The following NALCN variants were observed in gnomAD, a reference collection of about 807,000 sequenced individuals.
The protein encoded by NALCN is sodium leak channel NALCN.
Under a neutral mutation model 225.3 loss-of-function variants are expected in NALCN, and 111 were observed. That is an observed-to-expected ratio of 0.49 (90% CI 0.42 to 0.58). The LOEUF is 0.58. NALCN is among the 20% of genes least tolerant of loss of function. NALCN has a pLI of 0.00. For synonymous variants in NALCN, 764 were observed against 769.0 expected, an observed-to-expected ratio of 0.99 and a Z score of 0.11; for missense variants, 1,378 against 2,202.4, an observed-to-expected ratio of 0.63 and a Z score of 7.49.
chr13:101,057,839 A>T (rs1229221538), intron 43 of NALCN, 100 bp downstream of exon 43: 10 of 894,618 alleles, frequency 1.1e-5, no homozygotes, highest in Non-Finnish European at 1.9e-5. Context: ...ACAACTGTAG[A>T]TGCAGACTTG....
At chr13:101,256,179 C>A (rs1419066355) in intron 11 of NALCN, among the ~76,000 whole-genome samples, 2 of 151,840 alleles carry the variant, frequency 1.3e-5, no homozygotes, top group Non-Finnish European at 2.9e-5. Context: ...CTTAGAATTA[C>A]CCTGGAATTG....
At chr13:101,059,356 G>A (rs1334468823) in intron 42 of NALCN, 1 of 152,952 alleles carries the variant, frequency 6.5e-6, no homozygotes, top group African/African-American at 2.4e-5. Flanking sequence ...CAATGAGTCT[G>A]ATTATTTAAG....
In NALCN at chr13:101,220,920, A is replaced by T. The variant is rs1472348358; in HGVS notation, c.1626+8473T>A. On this transcript the variant is annotated intron_variant, in intron 13 of 43. Coordinates refer to ENST00000251127, the MANE Select transcript of NALCN (RefSeq NM_052867.4). ...GTATATTATTTAATACACAAAATGC[A>T]GAAGAAAAAAAAACACATTTCGGCT... Among the ~76,000 whole-genome samples, 3 of 152,132 alleles carry T rather than the reference A, an allele frequency of 2.0e-5. No individual in the cohort carries two copies. In the East Asian group the frequency reaches 5.8e-4, roughly 29 times the overall value.
intron 2 of NALCN, among the ~76,000 whole-genome samples, chr13:101,397,700 A>G (rs1476696582): frequency 6.6e-6 from 1 of 151,782 alleles, no homozygotes; most frequent in African/African-American, 2.4e-5. Flanking sequence ...TGTATATTAT[A>G]TAAATATACA....
intron 7 of NALCN, among the ~76,000 whole-genome samples, chr13:101,322,000 C>T (rs1319880671): frequency 6.6e-6 from 1 of 152,062 alleles, no homozygotes; most frequent in Non-Finnish European, 1.5e-5. Flanking sequence ...CTCTTTATTA[C>T]TAAAGTTTTA....
chr13:101,279,822 AT>A (rs71203412), intron 10 of NALCN, among the ~76,000 whole-genome samples: 35,318 of 137,076 alleles, frequency 0.26, 5,035 homozygotes, highest in South Asian at 0.32. Context: ...GTCTCAAAAA[AT>A]AAATAAATAA....
At chr13:101,241,024 A>G (rs1566476067) in intron 11 of NALCN, among the ~76,000 whole-genome samples, 1 of 152,174 alleles carries the variant, frequency 6.6e-6, no homozygotes, top group Non-Finnish European at 1.5e-5. Context: ...CATTCTGTAC[A>G]GTTTTTATCT....
chr13:101,202,287 T>C (rs1244987247), intron 13 of NALCN, among the ~76,000 whole-genome samples: 1 of 152,180 alleles, frequency 6.6e-6, no homozygotes, highest in Non-Finnish European at 1.5e-5. Context: ...ACTGACGGGA[T>C]GAAGATCTTG....
At chr13:101,376,342 T>C (rs1198657860) in intron 6 of NALCN, among the ~76,000 whole-genome samples, 1 of 151,914 alleles carries the variant, frequency 6.6e-6, no homozygotes, top group Non-Finnish European at 1.5e-5. Flanking sequence ...TGAATACTTG[T>C]CTTTAAAAAT....
chr13:101,221,105 C>G (rs533026043), intron 13 of NALCN, among the ~76,000 whole-genome samples: 2 of 151,982 alleles, frequency 1.3e-5, no homozygotes, highest in African/African-American at 4.8e-5. Context: ...TCCTTATTCA[C>G]AACTCCAAAA....
chr13:101,077,293 C>T (rs1393066059), intron 34 of NALCN, among the ~76,000 whole-genome samples: 1 of 152,118 alleles, frequency 6.6e-6, no homozygotes, highest in Non-Finnish European at 1.5e-5. Context: ...GAGTGGGGGG[C>T]TACTATAAGG....
chr13:101,202,390 C>A (rs1483158622), intron 13 of NALCN, among the ~76,000 whole-genome samples: 1 of 152,184 alleles, frequency 6.6e-6, no homozygotes, highest in Non-Finnish European at 1.5e-5. Flanking sequence ...CCACAACTTA[C>A]TATGGCTAAA....
intron 15 of NALCN, among the ~76,000 whole-genome samples, chr13:101,167,584 C>T (rs926166441): frequency 6.6e-6 from 1 of 152,122 alleles, no homozygotes; most frequent in African/African-American, 2.4e-5. Context: ...CGCCTGTAAT[C>T]CCAGCACTTT....
intron 15 of NALCN, among the ~76,000 whole-genome samples, chr13:101,155,292 A>G (rs1187314711): frequency 6.6e-6 from 1 of 152,180 alleles, no homozygotes; most frequent in Non-Finnish European, 1.5e-5. Flanking sequence ...TTTTGCACGA[A>G]TGACTTTCGT....
intron 7 of NALCN, among the ~76,000 whole-genome samples, chr13:101,308,325 T>C (rs866360239): frequency 3.3e-5 from 5 of 152,310 alleles, no homozygotes; most frequent in Non-Finnish European, 5.9e-5. Context: ...TTCTTCCTGA[T>C]GTATGCAACT....
chr13:101,351,635 T>G (rs2045911296), intron 6 of NALCN, among the ~76,000 whole-genome samples: 1 of 152,112 alleles, frequency 6.6e-6, no homozygotes, highest in African/African-American at 2.4e-5. Context: ...CCTTGGGAGA[T>G]TCACTTGAAA....
intron 27 of NALCN, among the ~76,000 whole-genome samples, chr13:101,098,783 G>A (rs2034651993): frequency 6.6e-6 from 1 of 151,636 alleles, no homozygotes; most frequent in African/African-American, 2.4e-5. Context: ...TTTTGGCCTC[G>A]GCCTCGGCCT....
At chr13:101,287,443 A>G (rs1406163299) in intron 9 of NALCN, among the ~76,000 whole-genome samples, 1 of 152,202 alleles carries the variant, frequency 6.6e-6, no homozygotes, top group Non-Finnish European at 1.5e-5. Context: ...TCCCAGTTTT[A>G]CCACTAGCCA....
chr13:101,248,835 G>A (rs573405491), intron 11 of NALCN, among the ~76,000 whole-genome samples: 11 of 152,242 alleles, frequency 7.2e-5, no homozygotes, highest in African/African-American at 2.4e-4. Context: ...CCTGATTTCT[G>A]TGAGTCATTC....
Sources: gnomAD v4.1 joint callset for allele counts (sites outside exome capture counted in the v4.1 genomes callset) on GRCh38, gnomAD v4.1.1 for gene constraint, MANE v1.5 for transcripts, NCBI Gene and HGNC (gene_info 2026-07-23, HGNC 2026-07-21) for gene names.